Variants in FMNL2 observed in about 807,000 individuals in gnomAD.
FMNL2 encodes formin like 2.
A neutral mutation model predicts 130.2 loss-of-function variants in FMNL2; 51 were observed. The ratio of observed to expected loss-of-function variants is 0.39; its 90% CI spans 0.31 to 0.49. FMNL2 has a LOEUF of 0.49. FMNL2 is among the 20% of genes least tolerant of loss of function. The probability of loss-of-function intolerance (pLI) is 0.85; values close to 1 mark genes in which losing one functional copy is unlikely to be tolerated. For missense variants in FMNL2, 977 were observed against 1,316.2 expected (o/e 0.74, Z 3.99); for synonymous variants, 465 against 467.1 (o/e 1.00, Z 0.06).
chr2:152,429,366 G>A (rs762368285), intron 1 of FMNL2, among the ~76,000 whole-genome samples: 6 of 152,186 alleles, frequency 3.9e-5, no homozygotes, highest in Non-Finnish European at 8.8e-5. Context: ...CTAGAGCCTA[G>A]TGAAGGGTCT....
intron 3 of FMNL2, among the ~76,000 whole-genome samples, chr2:152,546,671 G>C (rs960877269): frequency 2.6e-5 from 4 of 152,110 alleles, no homozygotes; most frequent in African/African-American, 9.7e-5. Flanking sequence ...GTTATTTTCT[G>C]ACAACCACCT....
intron 4 of FMNL2, among the ~76,000 whole-genome samples, chr2:152,556,364 CA>C (rs1378302512): frequency 6.6e-6 from 1 of 152,100 alleles, no homozygotes; most frequent in African/African-American, 2.4e-5. Context: ...GAAATTAAAT[CA>C]GGGGTAAAAC....
At chr2:152,481,309 T>C (rs1273028537) in intron 1 of FMNL2, among the ~76,000 whole-genome samples, 1 of 152,264 alleles carries the variant, frequency 6.6e-6, no homozygotes, top group African/African-American at 2.4e-5. Flanking sequence ...TTGTGTGATG[T>C]CTTCCTAAAA....
At chr2:152,571,144 A>T (rs1442712263) in intron 6 of FMNL2, among the ~76,000 whole-genome samples, 1 of 151,890 alleles carries the variant, frequency 6.6e-6, no homozygotes, top group Non-Finnish European at 1.5e-5. Context: ...ATGGCGTTGG[A>T]GTGTCTTCAA....
At chr2:152,647,755 T>G in intron 25 of FMNL2, 41 bp from the exon 26 acceptor site, 1 of 1,591,454 alleles carries the variant, frequency 6.3e-7, no homozygotes, top group African/African-American at 1.3e-5. Context: ...CACATGCTAT[T>G]AAAGGTTGCT....
chr2:152,456,936 CAAAAAA>C (rs59672196), intron 1 of FMNL2, among the ~76,000 whole-genome samples: 2 of 96,644 alleles, frequency 2.1e-5, no homozygotes, highest in African/African-American at 6.6e-5. Flanking sequence ...GACTCCCTTT[CAAAAAA>C]AAAAAAAAAA....
At chr2:152,356,669 T>A (rs776865052) in intron 1 of FMNL2, among the ~76,000 whole-genome samples, 1 of 151,912 alleles carries the variant, frequency 6.6e-6, no homozygotes, top group Non-Finnish European at 1.5e-5. Context: ...CTTTTTTGTT[T>A]CAGCATGCAT....
intron 6 of FMNL2, among the ~76,000 whole-genome samples, chr2:152,561,971 C>T (rs1413632902): frequency 2.0e-5 from 3 of 152,198 alleles, no homozygotes; most frequent in Admixed American, 6.5e-5. Context: ...TGCTGACCAC[C>T]TGTACTAGTA....
At chr2:152,529,253 C>T (rs1427971730) in intron 2 of FMNL2, among the ~76,000 whole-genome samples, 2 of 151,026 alleles carry the variant, frequency 1.3e-5, no homozygotes, top group African/African-American at 4.9e-5. Context: ...CTGAGTTTTC[C>T]TTATAAGTCA....
At chr2:152,599,482 C>T (rs958852593) in intron 9 of FMNL2, among the ~76,000 whole-genome samples, 9 of 118,546 alleles carry the variant, frequency 7.6e-5, no homozygotes, top group Admixed American at 3.5e-4. Flanking sequence ...GGTGATGCGT[C>T]AATGAGTCGT....
intron 11 of FMNL2, among the ~76,000 whole-genome samples, chr2:152,612,525 C>T (rs66839581): frequency 0.11 from 16,183 of 152,250 alleles, 1,086 homozygotes; most frequent in Admixed American, 0.21. Flanking sequence ...GTGTCTAAAA[C>T]GGAAAAGAAG....
At chr2:152,647,498 A>G (rs1683690169) in intron 25 of FMNL2, among the ~76,000 whole-genome samples, 2 of 152,218 alleles carry the variant, frequency 1.3e-5, no homozygotes, top group African/African-American at 4.8e-5. Flanking sequence ...GCTGCTTCTA[A>G]TTTAAGAAAC....
intron 1 of FMNL2, among the ~76,000 whole-genome samples, chr2:152,359,304 T>C (rs1482042234): frequency 2.6e-5 from 4 of 152,148 alleles, no homozygotes; most frequent in South Asian, 4.1e-4. Flanking sequence ...ATTAATTCCA[T>C]GTAACCTAAG....
intron 4 of FMNL2, among the ~76,000 whole-genome samples, chr2:152,557,574 C>T (rs901704113): frequency 2.0e-5 from 3 of 152,150 alleles, no homozygotes; most frequent in Non-Finnish European, 2.9e-5. Flanking sequence ...AACCCCTTCC[C>T]CCTGCCAAAA....
chr2:152,359,848 G>A (rs575141725), intron 1 of FMNL2, among the ~76,000 whole-genome samples: 47 of 152,280 alleles, frequency 3.1e-4, no homozygotes, highest in African/African-American at 1.0e-3. Flanking sequence ...GATGTTTCAT[G>A]TGTATTTCTC....
chr2:152,578,762 G>T, intron 7 of FMNL2, 126 bp from the exon 8 acceptor site: 1 of 656,598 alleles, frequency 1.5e-6, no homozygotes, highest in Non-Finnish European at 2.6e-6. Context: ...AGACATAAGT[G>T]CATTTATAAT....
At chr2:152,597,031 C>T (rs1335149318) in intron 9 of FMNL2, among the ~76,000 whole-genome samples, 1 of 152,176 alleles carries the variant, frequency 6.6e-6, no homozygotes, top group East Asian at 1.9e-4. Flanking sequence ...AATAATGGTA[C>T]ACTGAGTTAT....
chr2:152,564,704 G>C (rs935971280), intron 6 of FMNL2, among the ~76,000 whole-genome samples: 2 of 148,752 alleles, frequency 1.3e-5, no homozygotes, highest in Non-Finnish European at 3.0e-5. Context: ...CTGCACTCCA[G>C]CCTGGGTGAC....
In FMNL2 at chr2:152,549,191, C is replaced by T. The variant is rs964874164; in HGVS notation, c.359+94C>T. The T allele has an allele frequency of 5.0e-6, 4 of 797,422 alleles. No individual in the cohort carries two copies. The African/African-American group carries it at 5.3e-5, about 11-fold the overall frequency. 49.4% of individuals were successfully genotyped at this position (797,422 alleles called of 1,614,324 possible). A position where few individuals can be genotyped will look rare whatever the true frequency, so the allele number is the denominator to read the frequency against. ...CCAAAGAATTGAGCTTCCTTATGGG[C>T]CATTATAAATTAAAAGACTGAGGTT... On this transcript the variant is annotated intron_variant, in intron 4 of 25. Transcript: ENST00000288670.
Sources: gnomAD v4.1 joint callset for allele counts (sites outside exome capture counted in the v4.1 genomes callset) on GRCh38, gnomAD v4.1.1 for gene constraint, MANE v1.5 for transcripts, NCBI Gene and HGNC (gene_info 2026-07-23, HGNC 2026-07-21) for gene names.